The following ATXN7 variants were observed in gnomAD, a reference collection of about 807,000 sequenced individuals.
ATXN7 encodes the protein ataxin-7.
Under a neutral mutation model 70.5 loss-of-function variants are expected in ATXN7, and 12 were observed. The ratio of observed to expected loss-of-function variants is 0.17; its 90% CI spans 0.11 to 0.28. ATXN7 has a LOEUF of 0.28. Ranked by LOEUF, ATXN7 falls within the 10% of genes least tolerant of loss-of-function variation. The pLI is 1.00. For missense variants in ATXN7, 1,256 were observed against 1,131.7 expected, an observed-to-expected ratio of 1.11 and a Z score of -1.58; for synonymous variants, 498 against 448.7, an observed-to-expected ratio of 1.11 and a Z score of -1.39.
At position 63,995,515 on chromosome 3, in the gene ATXN7, C is replaced by T. The variant is rs1232898119; in HGVS notation, c.1693C>T (p.Pro565Ser). The T allele has an allele frequency of 6.2e-7, 1 of 1,613,838 alleles. No homozygotes were observed. The highest frequency in any genetic ancestry group is 8.5e-7 in the Non-Finnish European group (1 of 1,179,926). ...LNAQLWKKIP[P>S]VPSTTSPIST... ...TCTAATTTTTTTCAGGAAAATCCCA[C>T]CAGTGCCCAGTACCACCTCACCCAT... The change falls in exon 12 of 13, where the codon CCA becomes TCA. Residue 565 changes from proline (P) to serine (S), a missense_variant. Physicochemically the swap from Pro to Ser is moderately conservative, Grantham distance 74. Transcript: ENST00000674280.
At chr3:63,958,218 A>G (rs1306066395) in intron 5 of ATXN7, among the ~76,000 whole-genome samples, 1 of 152,160 alleles carries the variant, frequency 6.6e-6, no homozygotes, top group Non-Finnish European at 1.5e-5. Flanking sequence ...GCTTGGACTT[A>G]ATGTTCCTTG....
Position 63,975,688 on chromosome 3 carries a change from G to A in ATXN7, c.500-4227G>A, listed in dbSNP as rs776556007. ...TATAACTTTAAAAAAATCTCAGCGT[G>A]AATTCAGAATTATAAGCTTAGTATT... On this transcript the variant is annotated intron_variant, in intron 5 of 12. Transcript: ENST00000674280. Among the ~76,000 whole-genome samples the A allele has an allele frequency of 4.0e-4, 61 of 152,266 alleles. 1 individual carries two copies. The highest frequency in any genetic ancestry group is 2.1e-4 in the South Asian group (1 of 4,820).
chr3:63,927,245 T>A lies in ATXN7; in HGVS notation c.394+14020T>A, dbSNP rs186486005. 4.6e-5 allele frequency among the ~76,000 whole-genome samples: 7 copies of A among 152,320 alleles called. No individual in the cohort carries two copies. In the East Asian group the frequency reaches 1.4e-3, roughly 29 times the overall value. Reference sequence around the variant, plus strand: ...CACCTTTTTGAATTTTCCACATCACTCTCTATATTGCTTTATAGCCATTAT... The same window carrying A: ...CACCTTTTTGAATTTTCCACATCACACTCTATATTGCTTTATAGCCATTAT... On this transcript the variant is annotated intron_variant, in intron 4 of 12. Transcript: ENST00000674280.
intron 1 of ATXN7, among the ~76,000 whole-genome samples, chr3:63,877,351 T>TC (rs1408835050): frequency 1.3e-5 from 2 of 152,186 alleles, no homozygotes; most frequent in Admixed American, 1.3e-4. Flanking sequence ...TTTATGTATA[T>TC]CCCCCCAGCT....
chr3:63,998,031 C>T (rs1028724470), intron 12 of ATXN7: 1 of 985,242 alleles, frequency 1.0e-6, no homozygotes, highest in Non-Finnish European at 1.2e-6. Context: ...ACACAGAAGA[C>T]ATGGTGTGCC....
At chr3:63,877,018 CT>C (rs954573594) in intron 1 of ATXN7, among the ~76,000 whole-genome samples, 1 of 152,014 alleles carries the variant, frequency 6.6e-6, no homozygotes, top group African/African-American at 2.4e-5. Flanking sequence ...AAATTTACAC[CT>C]TAAATTCAAT....
intron 8 of ATXN7, among the ~76,000 whole-genome samples, chr3:63,986,135 G>A (rs1181259460): frequency 6.6e-6 from 1 of 152,204 alleles, no homozygotes; most frequent in Non-Finnish European, 1.5e-5. Context: ...CAATATGTGT[G>A]AAGGCTCTGT....
At chr3:63,998,798 C>T (rs1030474425) in intron 12 of ATXN7, 1 of 646,060 alleles carries the variant, frequency 1.5e-6, no homozygotes, top group East Asian at 1.4e-4. Flanking sequence ...GCTGCTGTTA[C>T]AAAAGTAGGG....
chr3:63,936,632 G>C (rs1027847547), intron 4 of ATXN7, among the ~76,000 whole-genome samples: 1 of 152,160 alleles, frequency 6.6e-6, no homozygotes, highest in African/African-American at 2.4e-5. Context: ...TTTGTGATTT[G>C]AGGTGGGGCA....
chr3:63,946,179 TTCATAAA>T (rs2074856153), intron 4 of ATXN7, among the ~76,000 whole-genome samples: 1 of 152,182 alleles, frequency 6.6e-6, no homozygotes, highest in Admixed American at 6.5e-5. Flanking sequence ...TAAATTTTTA[TTCATAAA>T]TCATAAATCA....
chr3:63,879,362 A>G (rs955891232), intron 1 of ATXN7, among the ~76,000 whole-genome samples: 3 of 152,220 alleles, frequency 2.0e-5, no homozygotes, highest in Admixed American at 1.3e-4. Context: ...TGAACTGTAC[A>G]AGTGATTTAT....
chr3:63,982,636 G>GTGTT (rs985272217), intron 7 of ATXN7, among the ~76,000 whole-genome samples, 191 bp downstream of exon 7: 21 of 151,258 alleles, frequency 1.4e-4, no homozygotes, highest in Non-Finnish European at 2.4e-4. Flanking sequence ...GTGTGTGTGT[G>GTGTT]TGTGTGTGTG....
chr3:63,996,474 CCTT>C lies in ATXN7; in HGVS notation c.2654_2656del (p.Leu885del), dbSNP rs748138546. The C allele has an allele frequency of 1.4e-5, 22 of 1,613,966 alleles. No individual in the cohort carries two copies. The highest frequency in any genetic ancestry group is 3.3e-5 in the Admixed American group (2 of 60,006). ...CACAAGGACTGATGAACAGTTCCCTCCTTCATCAGGTAGGAAATGGACTGTGAG... is the reference window on the plus strand; with the variant it reads ...CACAAGGACTGATGAACAGTTCCCTCCATCAGGTAGGAAATGGACTGTGAG... On this transcript the variant is annotated inframe_deletion, in exon 12 of 13. Transcript: ENST00000674280.
intron 9 of ATXN7, among the ~76,000 whole-genome samples, chr3:63,989,896 A>G (rs2075640794): frequency 6.6e-6 from 1 of 152,114 alleles, no homozygotes; most frequent in African/African-American, 2.4e-5. Context: ...TCTTTGGGGG[A>G]GAATAGAAGA....
At chr3:63,943,351 A>G (rs778315285) in intron 4 of ATXN7, among the ~76,000 whole-genome samples, 5 of 152,326 alleles carry the variant, frequency 3.3e-5, no homozygotes, top group African/African-American at 1.2e-4. Flanking sequence ...TACATTGTAG[A>G]ACCACTGAGG....
rs1253633126 is a variant in ATXN7, at chr3:63,912,903, C to T, written c.305C>T (p.Ser102Phe). 2 of 1,613,384 alleles carry T rather than the reference C, an allele frequency of 1.2e-6. No homozygotes were observed. The highest frequency in any genetic ancestry group is 2.2e-5 in the South Asian group (2 of 91,066). Residue 102 changes from serine (S) to phenylalanine (F), a missense_variant, in exon 3 of 13, where the codon TCC (serine) becomes TTC (phenylalanine). Transcript: ENST00000674280. ...TCGTGGAATCTGTGGGTTGAGGCTTCCAAACTTCCTGGGAAGGACGGTGAG... is the reference window on the plus strand; with the variant it reads ...TCGTGGAATCTGTGGGTTGAGGCTTTCAAACTTCCTGGGAAGGACGGTGAG... ...GQSWNLWVEA[S>F]KLPGKDGTEL... is the part of the protein sequence containing the mutation.
At chr3:63,957,369 T>C (rs2106677878) in intron 5 of ATXN7, among the ~76,000 whole-genome samples, 1 of 152,274 alleles carries the variant, frequency 6.6e-6, no homozygotes, top group African/African-American at 2.4e-5. Flanking sequence ...TCAGCTTGAG[T>C]CTCTAAGCAG....
chr3:63,940,356 G>A (rs533415331), intron 4 of ATXN7, among the ~76,000 whole-genome samples: 3 of 151,058 alleles, frequency 2.0e-5, no homozygotes, highest in South Asian at 2.1e-4. Context: ...GGAGCCTTAC[G>A]GCAGACATAA....
chr3:63,887,014 T>C (rs1053663228), intron 1 of ATXN7, among the ~76,000 whole-genome samples: 2 of 152,184 alleles, frequency 1.3e-5, no homozygotes, highest in African/African-American at 2.4e-5. Context: ...TGAAAAACTC[T>C]CATCTTCCCA....
Sources: allele counts gnomAD v4.1 joint callset (sites outside exome capture counted in the v4.1 genomes callset), GRCh38; gene constraint gnomAD v4.1.1; transcripts MANE v1.5; gene names NCBI Gene and HGNC (gene_info 2026-07-23, HGNC 2026-07-21).